Variants in CR2 observed in about 807,000 individuals in gnomAD.
CR2 encodes complement receptor type 2.
A neutral mutation model predicts 123.0 loss-of-function variants in CR2; 96 were observed. The observed-to-expected ratio is 0.78, with a 90% CI of 0.66 to 0.93. CR2 has a LOEUF of 0.93. CR2 is among the 40% of genes least tolerant of loss of function. The pLI, the probability that CR2 is intolerant of heterozygous loss-of-function variation, is 0.00. For synonymous variants in CR2, 484 were observed against 469.5 expected (o/e 1.03, Z -0.40); for missense variants, 1,258 against 1,361.0 (o/e 0.92, Z 1.19).
intron 18 of CR2, among the ~76,000 whole-genome samples, chr1:207,484,112 G>A (rs932648343): frequency 6.6e-6 from 1 of 152,192 alleles, no homozygotes; most frequent in Non-Finnish European, 1.5e-5. Context: ...AGAAAATACA[G>A]TCTCTATCTC....
chr1:207,459,670 A>C (rs899345333), intron 1 of CR2, among the ~76,000 whole-genome samples: 2 of 152,206 alleles, frequency 1.3e-5, no homozygotes, highest in African/African-American at 4.8e-5. Context: ...CTGAATGTCA[A>C]GTCACCATCT....
Position 207,474,841 on chromosome 1 carries a change from C to T in CR2, c.2341C>T (p.Pro781Ser). 6.2e-7 allele frequency: 1 copy of T among 1,614,000 alleles called. No homozygotes were observed. Among genetic ancestry groups the T allele is most frequent in the Non-Finnish European group, 8.5e-7 (1 of 1,179,918 alleles). Residue 781 changes from proline to serine, a missense_variant, in exon 14 of 20, where the codon CCA becomes TCA. Coordinates refer to ENST00000367057, the MANE Select transcript of CR2 (RefSeq NM_001006658.3). ...PLCKVIHCHPPPVIVNGKHTG... is the reference protein window; with the variant it reads ...PLCKVIHCHPSPVIVNGKHTG... ...TTCTGCAGTTATTCACTGTCACCCT[C>T]CACCAGTGATTGTCAATGGGAAGCA...
intron 17 of CR2, among the ~76,000 whole-genome samples, 158 bp downstream of exon 17, chr1:207,479,438 A>C (rs1462534002): frequency 6.6e-6 from 1 of 152,234 alleles, no homozygotes; most frequent in African/African-American, 2.4e-5. Context: ...GTCACATTAC[A>C]AAATGTCACT....
chr1:207,469,576 C>A, intron 5 of CR2, 119 bp from the exon 6 acceptor site: 2 of 935,284 alleles, frequency 2.1e-6, no homozygotes, highest in South Asian at 1.4e-5. Flanking sequence ...GCTGCCTTGA[C>A]TGATTCATTA....
At chr1:207,475,276 T>C in intron 14 of CR2, 60 bp downstream of exon 14, 1 of 1,573,854 alleles carries the variant, frequency 6.4e-7, no homozygotes, top group Non-Finnish European at 8.7e-7. Flanking sequence ...AAAGAGGTTT[T>C]GAATCTGCAC....
In CR2 at chr1:207,485,513, C is replaced by A; in HGVS notation, c.3238C>A (p.Arg1080=). 6.2e-7 allele frequency: 1 copy of A among 1,613,272 alleles called. No individual in the cohort carries two copies. The highest frequency in any genetic ancestry group is 8.5e-7 in the Non-Finnish European group (1 of 1,179,360). The change falls in exon 19 of 20, where the codon CGA becomes AGA. Residue 1080 remains arginine, a synonymous_variant. Coordinates refer to ENST00000367057, the MANE Select transcript of CR2 (RefSeq NM_001006658.3). Reference sequence around the variant, plus strand: ...GAAAGAAGCTTTTCATTTAGAAGCACGAGAAGTATATTCTGTTGATCCATA... The same window carrying A: ...GAAAGAAGCTTTTCATTTAGAAGCAAGAGAAGTATATTCTGTTGATCCATA... ...SQKEAFHLEA[R]EVYSVDPYNP...
At chr1:207,463,678 G>C (rs1336135459) in intron 1 of CR2, among the ~76,000 whole-genome samples, 3 of 152,022 alleles carry the variant, frequency 2.0e-5, no homozygotes, top group Non-Finnish European at 4.4e-5. Flanking sequence ...TACATGTGCA[G>C]GATGTGCAGT....
At chr1:207,470,370 G>A (rs545342611) in intron 6 of CR2, among the ~76,000 whole-genome samples, 1 of 152,218 alleles carries the variant, frequency 6.6e-6, no homozygotes, top group African/African-American at 2.4e-5. Flanking sequence ...ATGCTTGTTT[G>A]TCTTAATAGT....
At chr1:207,464,754 C>T (rs1250330941) in intron 1 of CR2, among the ~76,000 whole-genome samples, 2 of 152,148 alleles carry the variant, frequency 1.3e-5, no homozygotes, top group Non-Finnish European at 2.9e-5. Flanking sequence ...AAACAGAATC[C>T]TCTACTGCCA....
At chr1:207,470,402 T>C (rs1490751720) in intron 6 of CR2, among the ~76,000 whole-genome samples, 4 of 152,104 alleles carry the variant, frequency 2.6e-5, no homozygotes, top group African/African-American at 9.7e-5. Context: ...AGAGAAGTCA[T>C]TCAAGCCCTC....
intron 5 of CR2, 94 bp from the exon 6 acceptor site, chr1:207,469,601 A>G: frequency 6.2e-6 from 7 of 1,131,798 alleles, no homozygotes; most frequent in Non-Finnish European, 9.4e-6. Flanking sequence ...CTCGGATATC[A>G]CTGTCCTAGG....
In CR2 at chr1:207,469,993, C is replaced by T. The variant is rs571478564; in HGVS notation, c.1116C>T (p.Asn372=). ...VSGQKDRYTY[N]DTVIFACMFG... is the part of the protein sequence containing the mutation. The stretch of plus-strand genomic sequence containing the variant: ...GGCAGAAAGATCGATATACCTATAA[C>T]GACACTGTGATATTTGCTTGCATGT... Residue 372 remains asparagine, a synonymous_variant, in exon 6 of 20, where the codon AAC becomes AAT. Transcript: ENST00000367057. 1.1e-4 allele frequency: 170 copies of T among 1,613,960 alleles called. 2 individuals are homozygous for T. In the Middle Eastern group the frequency reaches 4.6e-3, roughly 44 times the overall value.
intron 2 of CR2, among the ~76,000 whole-genome samples, chr1:207,467,859 TACAC>T (rs995211903): frequency 6.6e-6 from 1 of 152,180 alleles, no homozygotes; most frequent in Non-Finnish European, 1.5e-5. Flanking sequence ...GTATTAGTTG[TACAC>T]ACACACATAA....
In CR2 at chr1:207,470,909, A is replaced by G. The variant is rs188078143; in HGVS notation, c.1395A>G (p.Gln465=). 1.9e-4 allele frequency: 314 copies of G among 1,613,844 alleles called. 3 individuals are homozygous for G. In the East Asian group the frequency reaches 3.3e-3, roughly 17 times the overall value. Residue 465 remains glutamine (Q), a synonymous_variant, in exon 7 of 20, where the codon CAA becomes CAG. Coordinates refer to ENST00000367057, the MANE Select transcript of CR2 (RefSeq NM_001006658.3). ...SEGVWTPPVP[Q]CKVAACEATG... ...GGGTGTGGACACCCCCTGTACCCCAATGCAAAGGTGCCAGGCCTCAAATGT... is the reference window on the plus strand; with the variant it reads ...GGGTGTGGACACCCCCTGTACCCCAGTGCAAAGGTGCCAGGCCTCAAATGT...
chr1:207,474,901 A>G lies in CR2; in HGVS notation c.2401A>G (p.Asn801Asp). ...GATGGCAGAAAACTTTCTATATGGA[A>G]ATGAAGTCTCTTATGAATGTGACCA... ...GMMAENFLYG[N>D]EVSYECDQGF... The change falls in exon 14 of 20, where the codon AAT (asparagine) becomes GAT (aspartate). Residue 801 changes from asparagine (N) to aspartate (D), a missense_variant. By Grantham distance (23) the Asn-to-Asp change is conservative. Transcript: ENST00000367057. 1 of 1,614,034 alleles carries G rather than the reference A, an allele frequency of 6.2e-7. No homozygotes were observed. Among genetic ancestry groups the G allele is most frequent in the Non-Finnish European group, 8.5e-7 (1 of 1,179,950 alleles).
chr1:207,489,156 T>G lies in CR2; in HGVS notation c.*33T>G, dbSNP rs1658824101. 1 of 152,278 alleles carries G rather than the reference T, an allele frequency of 6.6e-6. No individual in the cohort carries two copies. The highest frequency in any genetic ancestry group is 2.4e-5 in the African/African-American group (1 of 41,460). The allele number at this position is 152,278 out of a possible 1,614,324, so 9.4% of individuals were successfully genotyped here. A position where few individuals can be genotyped will look rare whatever the true frequency, so the allele number is the denominator to read the frequency against. On this transcript the variant is annotated 3_prime_UTR_variant, in exon 20 of 20. Coordinates refer to ENST00000367057, the MANE Select transcript of CR2 (RefSeq NM_001006658.3). ...ATCTATTTCAGTGTGCCTCATTGCT[T>G]GGAATTCAGCGGAATATTGATTAGA...
At position 207,454,372 on chromosome 1, in the gene CR2, C is replaced by G; in HGVS notation, c.-47C>G. ...CTTGCCCTCCCAGAGCTGCCGGACG[C>G]TCGCGGGTCTCGGAACGCATCCCGC... On this transcript the variant is annotated 5_prime_UTR_variant, in exon 1 of 20. Transcript: ENST00000367057. The surrounding 1 kb of genome is among the most constrained non-coding windows in gnomAD (Gnocchi z 4.3). 4 of 1,526,046 alleles carry G rather than the reference C, an allele frequency of 2.6e-6. No homozygotes were observed. Among genetic ancestry groups the G allele is most frequent in the Non-Finnish European group, 3.5e-6 (4 of 1,132,612 alleles). The allele number at this position is 1,526,046 out of a possible 1,614,324, so 94.5% of individuals were successfully genotyped here.
chr1:207,461,022 C>T (rs1362731448), intron 1 of CR2, among the ~76,000 whole-genome samples: 1 of 152,090 alleles, frequency 6.6e-6, no homozygotes, highest in East Asian at 1.9e-4. Flanking sequence ...CTCTTATATA[C>T]TTTAGTTTCT....
In CR2 at chr1:207,466,799, G is replaced by A. The variant is rs1658112656; in HGVS notation, c.332G>A (p.Gly111Asp). ...AGAGGCTCTACACCCTACAGACATGGTGATTCTGTGACATTTGCCTGTAAA... is the reference window on the plus strand; with the variant it reads ...AGAGGCTCTACACCCTACAGACATGATGATTCTGTGACATTTGCCTGTAAA... ...KIRGSTPYRH[G>D]DSVTFACKTN... is the part of the protein sequence containing the mutation. The change falls in exon 2 of 20, where the codon GGT (glycine) becomes GAT (aspartate). Residue 111 changes from glycine to aspartate, a missense_variant. Physicochemically the swap from Gly to Asp is moderately conservative, Grantham distance 94. Coordinates refer to ENST00000367057, the MANE Select transcript of CR2 (RefSeq NM_001006658.3). 6.2e-7 allele frequency: 1 copy of A among 1,614,024 alleles called. No individual in the cohort carries two copies. The highest frequency in any genetic ancestry group is 8.5e-7 in the Non-Finnish European group (1 of 1,179,976).
Sources: gnomAD v4.1 joint callset for allele counts (sites outside exome capture counted in the v4.1 genomes callset) on GRCh38, gnomAD v4.1.1 for gene constraint, Gnocchi (gnomAD v3.1) non-coding constraint, MANE v1.5 for transcripts, NCBI Gene and HGNC (gene_info 2026-07-23, HGNC 2026-07-21) for gene names.